EDDM3A: variants seen among roughly 807,000 people sequenced by gnomAD.
EDDM3A encodes epididymal secretory protein E3-alpha.
For missense variants in EDDM3A, 199 were observed against 177.4 expected, an observed-to-expected ratio of 1.12 and a Z score of -0.69; for synonymous variants, 75 against 60.4, an observed-to-expected ratio of 1.24 and a Z score of -1.12.
chr14:20,738,369 G>A, the EDDM3A span, among the ~76,000 whole-genome samples: 2 of 152,090 alleles, frequency 1.3e-5, no homozygotes, highest in African/African-American at 4.8e-5. Context: ...TACTCGGGGG[G>A]CTGAGGCAGA....
the EDDM3A span, among the ~76,000 whole-genome samples, chr14:20,738,014 G>A: frequency 7.2e-5 from 11 of 152,170 alleles, no homozygotes; most frequent in African/African-American, 1.4e-4. Context: ...AGGTGACTGC[G>A]CACTTTTTTA....
chr14:20,744,575 G>A (rs1440309210), upstream of EDDM3A, among the ~76,000 whole-genome samples: 2 of 152,174 alleles, frequency 1.3e-5, no homozygotes, highest in African/African-American at 2.4e-5. Flanking sequence ...TGATGTTAAA[G>A]GTAACCATTG....
At chr14:20,743,938 T>G (rs1436425873), upstream of EDDM3A, among the ~76,000 whole-genome samples, 1 of 104,444 alleles carries the variant, frequency 9.6e-6, no homozygotes, top group East Asian at 2.2e-4. Context: ...TTGGAGTCCA[T>G]GATTTTTTTT....
upstream of EDDM3A, among the ~76,000 whole-genome samples, chr14:20,741,282 A>G (rs1264429548): frequency 6.6e-6 from 1 of 152,200 alleles, no homozygotes; most frequent in Non-Finnish European, 1.5e-5. Flanking sequence ...GGCCTCAGAA[A>G]ATTTAAAGAG....
At position 20,747,628 on chromosome 14, in the gene EDDM3A, C is replaced by T. The variant is rs772313833; in HGVS notation, c.48C>T (p.Cys16=). Residue 16 remains cysteine (C), a synonymous_variant, in exon 2 of 2, where the codon TGC becomes TGT. Coordinates refer to ENST00000326842, the MANE Select transcript of EDDM3A (RefSeq NM_006683.5). The part of the protein sequence containing the change: ...KIWGILLALL[C]ILCRLCVYSN... ...GGGGCATACTCTTGGCCCTGCTTTGCATCCTTTGCAGGCTGTGTGTATACA... is the reference window on the plus strand; with the variant it reads ...GGGGCATACTCTTGGCCCTGCTTTGTATCCTTTGCAGGCTGTGTGTATACA... The T allele has an allele frequency of 1.9e-6, 3 of 1,613,308 alleles. No individual in the cohort carries two copies. The highest frequency in any genetic ancestry group is 2.2e-5 in the South Asian group (2 of 90,928).
Position 20,748,030 on chromosome 14 carries a change from C to CT in EDDM3A, c.*7dup. On this transcript the variant is annotated 3_prime_UTR_variant, in exon 2 of 2. Coordinates refer to ENST00000326842, the MANE Select transcript of EDDM3A (RefSeq NM_006683.5). ...TAGAACCTATCAGCAACTAGAAAGTCTATGCACATCCTCAGATATTGGTAG... is the reference window on the plus strand; with the variant it reads ...TAGAACCTATCAGCAACTAGAAAGTCTTATGCACATCCTCAGATATTGGTAG... 1 of 1,581,858 alleles carries CT rather than the reference C, an allele frequency of 6.3e-7. No individual in the cohort carries two copies. The highest frequency in any genetic ancestry group is 8.6e-7 in the Non-Finnish European group (1 of 1,164,356).
At position 20,747,702 on chromosome 14, in the gene EDDM3A, C is replaced by T; in HGVS notation, c.122C>T (p.Pro41Leu). The change falls in exon 2 of 2, where the codon CCA becomes CTA. Residue 41 changes from proline (P) to leucine (L), a missense_variant. Physicochemically the swap from Pro to Leu is moderately conservative, Grantham distance 98 (BLOSUM62 -3). Coordinates refer to ENST00000326842, the MANE Select transcript of EDDM3A (RefSeq NM_006683.5). ...TTCATAAAACTTCATTACTTAAGTC[C>T]AAGTCGAGAATTCAAAGAGTACAAA... ...REFIKLHYLS[P>L]SREFKEYKCD... 6.2e-7 allele frequency: 1 copy of T among 1,613,972 alleles called. No homozygotes were observed. Among genetic ancestry groups the T allele is most frequent in the Non-Finnish European group, 8.5e-7 (1 of 1,179,972 alleles).
rs139377155 is a variant in EDDM3A, at chr14:20,747,646, T to G, written c.66T>G (p.Cys22Trp). 5.6e-6 allele frequency: 9 copies of G among 1,614,018 alleles called. No individual in the cohort carries two copies. In the African/African-American group the frequency reaches 1.1e-4, roughly 19 times the overall value. The change falls in exon 2 of 2, where the codon TGT becomes TGG. Residue 22 changes from cysteine to tryptophan, a missense_variant. Physicochemically the swap from Cys to Trp is radical, Grantham distance 215. Coordinates refer to ENST00000326842, the MANE Select transcript of EDDM3A (RefSeq NM_006683.5). ...TGCTTTGCATCCTTTGCAGGCTGTG[T>G]GTATACAGTAACAACATTTACTGGA... ...LALLCILCRL[C>W]VYSNNIYWRE... is the part of the protein sequence containing the mutation.
At chr14:20,743,454 G>A (rs1246114081), upstream of EDDM3A, among the ~76,000 whole-genome samples, 1 of 151,826 alleles carries the variant, frequency 6.6e-6, no homozygotes, top group Non-Finnish European at 1.5e-5. Context: ...GAAGGCTGAG[G>A]CAAGAGAATC....
upstream of EDDM3A, among the ~76,000 whole-genome samples, chr14:20,744,872 G>A (rs896519303): frequency 1.3e-5 from 2 of 152,154 alleles, no homozygotes; most frequent in African/African-American, 4.8e-5. Context: ...TGGCCACTGT[G>A]TTCACTAGAT....
At chr14:20,740,371 G>T in the EDDM3A span, among the ~76,000 whole-genome samples, 1 of 152,214 alleles carries the variant, frequency 6.6e-6, no homozygotes, top group African/African-American at 2.4e-5. Flanking sequence ...TGGAGTTTTT[G>T]CCAGCATGGC....
chr14:20,744,200 C>A (rs1877517150), upstream of EDDM3A, among the ~76,000 whole-genome samples: 1 of 152,174 alleles, frequency 6.6e-6, no homozygotes, highest in African/African-American at 2.4e-5. Context: ...TCTCCCCTGT[C>A]CCCCAAAGAC....
chr14:20,745,828 C>T (rs1219380076), upstream of EDDM3A: 3 of 152,442 alleles, frequency 2.0e-5, no homozygotes, highest in Non-Finnish European at 4.4e-5. Context: ...ATCACCACCT[C>T]GGCTACCAAT....
At chr14:20,742,935 G>A (rs1388576110), upstream of EDDM3A, among the ~76,000 whole-genome samples, 1 of 151,888 alleles carries the variant, frequency 6.6e-6, no homozygotes, top group Admixed American at 6.6e-5. Flanking sequence ...GTTTCTCCCT[G>A]TGTTGCCCAG....
chr14:20,742,074 C>G (rs753016339), upstream of EDDM3A, among the ~76,000 whole-genome samples: 1 of 152,142 alleles, frequency 6.6e-6, no homozygotes, highest in Non-Finnish European at 1.5e-5. Flanking sequence ...CAAATATTAC[C>G]TTTTCCCCAG....
intron 1 of EDDM3A, among the ~76,000 whole-genome samples, chr14:20,746,311 C>T (rs1431743865): frequency 6.6e-6 from 1 of 152,262 alleles, no homozygotes. Context: ...TTTAGAAGTG[C>T]TCTCACATGC....
At chr14:20,745,656 A>G (rs1267831830), upstream of EDDM3A, among the ~76,000 whole-genome samples, 4 of 152,212 alleles carry the variant, frequency 2.6e-5, no homozygotes, top group African/African-American at 9.6e-5. Flanking sequence ...TGATAGCACC[A>G]GATAACCCTT....
At chr14:20,736,401 C>T in the EDDM3A span, among the ~76,000 whole-genome samples, 22 of 152,118 alleles carry the variant, frequency 1.4e-4, no homozygotes, top group Non-Finnish European at 2.8e-4. Context: ...TGAGCCACCA[C>T]GCTCCGCCCA....
chr14:20,738,535 T>C, the EDDM3A span, among the ~76,000 whole-genome samples: 1 of 151,930 alleles, frequency 6.6e-6, no homozygotes, highest in African/African-American at 2.4e-5. Flanking sequence ...AATGGTCAAT[T>C]TACATATGGG....
Sources: gnomAD v4.1 joint callset for allele counts (sites outside exome capture counted in the v4.1 genomes callset) on GRCh38, gnomAD v4.1.1 for gene constraint, MANE v1.5 for transcripts, NCBI Gene and HGNC (gene_info 2026-07-23, HGNC 2026-07-21) for gene names.